The following CACNA2D2 variants were observed in gnomAD, a reference collection of about 807,000 sequenced individuals.
The protein encoded by CACNA2D2 is voltage-dependent calcium channel subunit alpha-2/delta-2.
A neutral mutation model predicts 166.4 loss-of-function variants in CACNA2D2; 48 were observed. The ratio of observed to expected loss-of-function variants is 0.29; its 90% CI spans 0.23 to 0.37. CACNA2D2 has a LOEUF of 0.37. CACNA2D2 is among the 10% of genes least tolerant of loss of function. CACNA2D2 has a pLI of 1.00. For synonymous variants in CACNA2D2, 561 were observed against 573.7 expected (o/e 0.98, Z 0.32); for missense variants, 1,122 against 1,433.0 (o/e 0.78, Z 3.50).
At chr3:50,502,859 T>C (rs1396580944) in intron 1 of CACNA2D2, among the ~76,000 whole-genome samples, 2 of 152,188 alleles carry the variant, frequency 1.3e-5, no homozygotes, top group Admixed American at 6.5e-5. Context: ...CAGGGGTCGC[T>C]GGCCGCCCCT....
rs189464901 is a variant in CACNA2D2 at position 50,389,599 on chromosome 3, G to A, written c.466-1987C>T. Among the ~76,000 whole-genome samples the A allele has an allele frequency of 6.7e-3, 1,020 of 152,320 alleles. 6 individuals carry two copies. Among genetic ancestry groups the A allele is most frequent in the Middle Eastern group, 0.021 (6 of 292 alleles). ...TGTGGCTGGGTCCTGCCTGCACCTG[G>A]GTCAACACTAGGCACCTCAGCGTTC... On this transcript the variant is annotated intron_variant, in intron 4 of 37. Transcript: ENST00000424201.
chr3:50,412,165 G>A (rs1328848225), intron 3 of CACNA2D2, among the ~76,000 whole-genome samples: 1 of 152,206 alleles, frequency 6.6e-6, no homozygotes, highest in East Asian at 1.9e-4. Context: ...CAATTTTACT[G>A]GATGTGCTTT....
Position 50,377,466 on chromosome 3 carries a change from C to T in CACNA2D2, c.1626+1G>A, listed in dbSNP as rs1705050478. The T allele has an allele frequency of 6.2e-7, 1 of 1,612,054 alleles. No individual in the cohort carries two copies. Among genetic ancestry groups the T allele is most frequent in the African/African-American group, 1.3e-5 (1 of 74,914 alleles). ...ACGCGGATGGGCAGGGGGATGCTCACCGTGTAGTTGGGGGTCAGCCTCTTG... is the reference window on the plus strand; with the variant it reads ...ACGCGGATGGGCAGGGGGATGCTCATCGTGTAGTTGGGGGTCAGCCTCTTG... On this transcript the variant is annotated splice_donor_variant, in intron 17 of 37. Transcript: ENST00000424201. LOFTEE classifies it high-confidence loss of function.
intron 2 of CACNA2D2, among the ~76,000 whole-genome samples, chr3:50,463,500 GT>G (rs1447999137): frequency 6.6e-6 from 1 of 152,162 alleles, no homozygotes; most frequent in Non-Finnish European, 1.5e-5. Context: ...GTTTTGCCAT[GT>G]TGTTCAGGCT....
chr3:50,379,269 C>T lies in CACNA2D2; in HGVS notation c.1153-70G>A. 6.1e-6 allele frequency: 9 copies of T among 1,481,170 alleles called. No homozygotes were observed. Among genetic ancestry groups the T allele is most frequent in the Non-Finnish European group, 8.5e-6 (9 of 1,062,988 alleles). 91.8% of individuals were successfully genotyped at this position (1,481,170 alleles called of 1,614,324 possible). A position where few individuals can be genotyped will look rare whatever the true frequency, so the allele number is the denominator to read the frequency against. On this transcript the variant is annotated intron_variant, in intron 11 of 37. Coordinates refer to ENST00000424201, the MANE Select transcript of CACNA2D2 (RefSeq NM_006030.4). The surrounding 1 kb of genome is among the most constrained non-coding windows in gnomAD (Gnocchi z 6.5). Reference sequence around the variant, plus strand: ...GTCCAGGGGCAGGGCCTCCCTCCCGCAGTGGGCCTGGACCTCTGGCCCTCC... The same window carrying T: ...GTCCAGGGGCAGGGCCTCCCTCCCGTAGTGGGCCTGGACCTCTGGCCCTCC...
chr3:50,434,394 C>T lies in CACNA2D2; in HGVS notation c.324G>A (p.Gln108=), dbSNP rs1222941173. 6.2e-7 allele frequency: 1 copy of T among 1,614,188 alleles called. No homozygotes were observed. The highest frequency in any genetic ancestry group is 1.3e-5 in the African/African-American group (1 of 75,056). ...YKDNRNLFEV[Q]ENEPQKLVEK... The stretch of plus-strand genomic sequence containing the variant: ...CCACCAACTTCTGAGGCTCATTCTC[C>T]TGTACCTCGAACAGGTTCCGGTTGT... The change falls in exon 3 of 38, where the codon CAG becomes CAA. Residue 108 remains glutamine, a synonymous_variant. Transcript: ENST00000424201.
chr3:50,408,330 C>G (rs928338026), intron 3 of CACNA2D2, among the ~76,000 whole-genome samples: 7 of 152,264 alleles, frequency 4.6e-5, no homozygotes, highest in African/African-American at 1.7e-4. Flanking sequence ...ACTCTTCCAG[C>G]TAGGCTGTCA....
At chr3:50,381,212 C>T in intron 6 of CACNA2D2, 86 bp from the exon 7 acceptor site, 1 of 1,478,510 alleles carries the variant, frequency 6.8e-7, no homozygotes, top group Non-Finnish European at 9.4e-7. Flanking sequence ...CCTGTGCCCC[C>T]ATTTAGAATC....
chr3:50,375,609 A>G lies in CACNA2D2; in HGVS notation c.1907+35T>C. 6.3e-7 allele frequency: 1 copy of G among 1,588,704 alleles called. No individual in the cohort carries two copies. Among genetic ancestry groups the G allele is most frequent in the Non-Finnish European group, 8.6e-7 (1 of 1,159,936 alleles). ...TGGGCTCAGATTCTGGGGCCACCCC[A>G]CCCTCTCTGCCCGCCCAGCCCTGGC... On this transcript the variant is annotated intron_variant, in intron 21 of 37. Coordinates refer to ENST00000424201, the MANE Select transcript of CACNA2D2 (RefSeq NM_006030.4). This position sits in a 1 kb window ranked among gnomAD's most constrained non-coding sequence, Gnocchi z 4.0.
At chr3:50,440,814 C>T (rs888662260) in intron 2 of CACNA2D2, among the ~76,000 whole-genome samples, 1 of 152,084 alleles carries the variant, frequency 6.6e-6, no homozygotes. Context: ...AGACAGGTGG[C>T]AGTAGACAGA....
At chr3:50,402,336 C>T (rs988730070) in intron 3 of CACNA2D2, among the ~76,000 whole-genome samples, 1 of 152,194 alleles carries the variant, frequency 6.6e-6, no homozygotes, top group African/African-American at 2.4e-5. Flanking sequence ...GATTTTTACT[C>T]TGCAGCAGCA....
At chr3:50,430,677 C>A (rs1169102637) in intron 3 of CACNA2D2, among the ~76,000 whole-genome samples, 1 of 152,124 alleles carries the variant, frequency 6.6e-6, no homozygotes, top group Non-Finnish European at 1.5e-5. Flanking sequence ...TCCTGAGAGC[C>A]AGGCTGTAGA....
At position 50,376,949 on chromosome 3, in the gene CACNA2D2, G is replaced by A. The variant is rs905415452; in HGVS notation, c.1626+518C>T. Among the ~76,000 whole-genome samples, 4 of 152,152 alleles carry A rather than the reference G, an allele frequency of 2.6e-5. No individual in the cohort carries two copies. The highest frequency in any genetic ancestry group is 7.2e-5 in the African/African-American group (3 of 41,408). ...AGAATTCCCTCTGCCTCCAATGTAC[G>A]CCATCCCCTCCTTTCCTTTCTGCCT... On this transcript the variant is annotated intron_variant, in intron 17 of 37. Transcript: ENST00000424201. The surrounding 1 kb of genome is among the most constrained non-coding windows in gnomAD (Gnocchi z 4.3).
intron 2 of CACNA2D2, among the ~76,000 whole-genome samples, chr3:50,444,568 C>G (rs895162194): frequency 4.6e-5 from 7 of 152,238 alleles, no homozygotes; most frequent in African/African-American, 1.4e-4. Flanking sequence ...AGCACCTTCC[C>G]TGATCCATTC....
At chr3:50,478,169 C>T (rs13099869) in intron 1 of CACNA2D2, among the ~76,000 whole-genome samples, 1 of 152,140 alleles carries the variant, frequency 6.6e-6, no homozygotes, top group African/African-American at 2.4e-5. Flanking sequence ...ACCCTGAGTG[C>T]GGGTGGAGGC....
intron 3 of CACNA2D2, among the ~76,000 whole-genome samples, chr3:50,424,280 G>T (rs1707705405): frequency 6.6e-6 from 1 of 152,160 alleles, no homozygotes; most frequent in Non-Finnish European, 1.5e-5. Flanking sequence ...TTGGGGCAGT[G>T]CAAGGTCTGG....
At chr3:50,456,132 G>C (rs1161447673) in intron 2 of CACNA2D2, among the ~76,000 whole-genome samples, 1 of 152,242 alleles carries the variant, frequency 6.6e-6, no homozygotes, top group African/African-American at 2.4e-5. Context: ...TACAGATGAA[G>C]AAACTGAGGC....
In CACNA2D2 at chr3:50,475,945, C is replaced by T. The variant is rs920161486; in HGVS notation, c.288+173G>A. 2.0e-5 allele frequency among the ~76,000 whole-genome samples: 3 copies of T among 152,196 alleles called. No individual in the cohort carries two copies. In the East Asian group the frequency reaches 5.8e-4, roughly 29 times the overall value. On this transcript the variant is annotated intron_variant, in intron 2 of 37. Coordinates refer to ENST00000424201, the MANE Select transcript of CACNA2D2 (RefSeq NM_006030.4). Reference sequence around the variant, plus strand: ...TTGCCTCAGGAAGAGCAGGCCAGGCCCCAGAGGAGTGCTGCCCATCCAGTC... The same window carrying T: ...TTGCCTCAGGAAGAGCAGGCCAGGCTCCAGAGGAGTGCTGCCCATCCAGTC...
At chr3:50,480,644 G>A (rs1296304814) in intron 1 of CACNA2D2, among the ~76,000 whole-genome samples, 1 of 151,104 alleles carries the variant, frequency 6.6e-6, no homozygotes, top group African/African-American at 2.4e-5. Flanking sequence ...TAACAGGCAA[G>A]GGAGTGACAT....
Sources: allele counts gnomAD v4.1 joint callset (sites outside exome capture counted in the v4.1 genomes callset), GRCh38; gene constraint gnomAD v4.1.1; non-coding constraint Gnocchi (gnomAD v3.1); transcripts MANE v1.5; gene names NCBI Gene and HGNC (gene_info 2026-07-23, HGNC 2026-07-21).